TMEM40: variants seen among roughly 807,000 people sequenced by gnomAD.
TMEM40 encodes the protein transmembrane protein 40.
A neutral mutation model predicts 40.8 loss-of-function variants in TMEM40; 34 were observed. The observed-to-expected ratio is 0.83, with a 90% CI of 0.63 to 1.11. TMEM40 has a LOEUF of 1.11. Among genes scored for constraint, TMEM40 ranks in the 50% least tolerant of loss-of-function variants. The pLI, the probability that TMEM40 is intolerant of heterozygous loss-of-function variation, is 0.00. For missense variants in TMEM40, 296 were observed against 280.2 expected (o/e 1.06, Z -0.40); for synonymous variants, 106 against 107.0 (o/e 0.99, Z 0.06).
chr3:12,748,656 T>C lies in TMEM40; in HGVS notation c.210A>G (p.Ser70=). 6.2e-7 allele frequency: 1 copy of C among 1,610,746 alleles called. No homozygotes were observed. The highest frequency in any genetic ancestry group is 1.1e-5 in the South Asian group (1 of 90,926). The change falls in exon 3 of 12, where the codon TCA becomes TCG. Residue 70 remains serine, a splice_region_variant and synonymous_variant. Transcript: ENST00000314124. ...SSSSSSSSSS[S]ESNDEDQQPR... ...CATATATTTAAATCTCTGCTATACC[T>C]GAGGAGGAGGAGGATGAAGAAGATG... is the stretch of plus-strand genomic sequence containing the variant.
rs774911271 is a variant in TMEM40, at chr3:12,743,993, C to T, written c.212-4G>A. ...TGCTGGTCCTCATCATTGCTCTCTG[C>T]GGGTAACAAACACAAGCTGTAGGAG... On this transcript the variant is annotated splice_polypyrimidine_tract_variant and splice_region_variant and intron_variant, in intron 3 of 11. Transcript: ENST00000314124. 6.8e-6 allele frequency: 11 copies of T among 1,609,870 alleles called. No individual in the cohort carries two copies. The highest frequency in any genetic ancestry group is 4.5e-5 in the South Asian group (4 of 89,610).
chr3:12,766,763 G>C (rs779167517), intron 1 of TMEM40, among the ~76,000 whole-genome samples: 8 of 152,172 alleles, frequency 5.3e-5, no homozygotes, highest in Admixed American at 5.2e-4. Flanking sequence ...AGGCATTCTT[G>C]AGGACAGTTC....
upstream of TMEM40, among the ~76,000 whole-genome samples, chr3:12,759,692 A>G (rs1207731032): frequency 6.6e-6 from 1 of 152,146 alleles, no homozygotes; most frequent in Non-Finnish European, 1.5e-5. Context: ...TTGGGCAGGG[A>G]GCAGGAGAGA....
At chr3:12,745,763 A>G (rs1014337479) in intron 3 of TMEM40, among the ~76,000 whole-genome samples, 4 of 152,114 alleles carry the variant, frequency 2.6e-5, no homozygotes, top group South Asian at 2.1e-4. Flanking sequence ...ACAAGTTTTT[A>G]AATAAAAGGT....
intron 1 of TMEM40, among the ~76,000 whole-genome samples, chr3:12,768,168 A>G (rs2061603126): frequency 6.6e-6 from 1 of 152,250 alleles, no homozygotes; most frequent in Middle Eastern, 3.4e-3. Flanking sequence ...ATAGCTCTTA[A>G]GGCGACGCGT....
intron 1 of TMEM40, among the ~76,000 whole-genome samples, chr3:12,768,385 C>G (rs1039230404): frequency 6.6e-6 from 1 of 152,002 alleles, no homozygotes; most frequent in African/African-American, 2.4e-5. Flanking sequence ...TTATGTGGCC[C>G]CACTCACATC....
intron 1 of TMEM40, among the ~76,000 whole-genome samples, chr3:12,756,006 T>G (rs2061524375): frequency 6.6e-6 from 1 of 152,230 alleles, no homozygotes; most frequent in Non-Finnish European, 1.5e-5. Flanking sequence ...GGGACAGACT[T>G]GTCCTTACTC....
In TMEM40 at chr3:12,734,626, C is replaced by CAG. The variant is rs2061324871; in HGVS notation, c.*146_*147dup. The CAG allele has an allele frequency of 4.2e-6, 4 of 944,312 alleles. No homozygotes were observed. Among genetic ancestry groups the CAG allele is most frequent in the Non-Finnish European group, 6.4e-6 (4 of 627,480 alleles). The allele number at this position is 944,312 out of a possible 1,614,324, so 58.5% of individuals were successfully genotyped here. A position where few individuals can be genotyped will look rare whatever the true frequency, so the allele number is the denominator to read the frequency against. On this transcript the variant is annotated 3_prime_UTR_variant, in exon 12 of 12. Transcript: ENST00000314124. ...CCCTGCCCGGGCTGGTGCCAACATTCAGACCACATGGAAGGAAAAGTGTTC... is the reference window on the plus strand; with the variant it reads ...CCCTGCCCGGGCTGGTGCCAACATTCAGAGACCACATGGAAGGAAAAGTGTTC...
chr3:12,738,518 C>T, intron 6 of TMEM40, 35 bp downstream of exon 6: 2 of 1,612,980 alleles, frequency 1.2e-6, no homozygotes, highest in Non-Finnish European at 1.7e-6. Context: ...TCAATACCAG[C>T]ACCAACGACC....
upstream of TMEM40, among the ~76,000 whole-genome samples, chr3:12,760,349 C>A (rs9865686): frequency 0.012 from 1,854 of 152,276 alleles, 45 homozygotes; most frequent in African/African-American, 0.043. Context: ...CAAGCCCCTG[C>A]GAGATCTTCC....
At chr3:12,760,646 A>G (rs2061563286), upstream of TMEM40, among the ~76,000 whole-genome samples, 1 of 151,960 alleles carries the variant, frequency 6.6e-6, no homozygotes, top group East Asian at 1.9e-4. Flanking sequence ...ACTGCTCACC[A>G]TCTGCTGTGC....
At chr3:12,749,652 T>G in intron 2 of TMEM40, 108 bp downstream of exon 2, 1 of 917,906 alleles carries the variant, frequency 1.1e-6, no homozygotes, top group Non-Finnish European at 1.7e-6. Flanking sequence ...AGCTGTGATT[T>G]GAGGCCCTGT....
At chr3:12,735,325 C>A (rs1360821304) in intron 11 of TMEM40, among the ~76,000 whole-genome samples, 1 of 152,228 alleles carries the variant, frequency 6.6e-6, no homozygotes, top group Non-Finnish European at 1.5e-5. Context: ...CTCACTTGAT[C>A]TTCACAACAC....
chr3:12,750,942 T>A (rs531588805), intron 1 of TMEM40, among the ~76,000 whole-genome samples: 2 of 152,256 alleles, frequency 1.3e-5, no homozygotes, highest in African/African-American at 2.4e-5. Flanking sequence ...CATTTGAGAA[T>A]GGTCTAGAGA....
chr3:12,751,468 CG>C (rs1559531268), intron 1 of TMEM40, among the ~76,000 whole-genome samples: 5 of 151,650 alleles, frequency 3.3e-5, no homozygotes, highest in African/African-American at 1.2e-4. Flanking sequence ...TTAGTAGAGA[CG>C]TGGTTTCACC....
intron 1 of TMEM40, among the ~76,000 whole-genome samples, chr3:12,752,895 G>A (rs2061489840): frequency 6.6e-6 from 1 of 152,170 alleles, no homozygotes; most frequent in East Asian, 1.9e-4. Flanking sequence ...GCCCATGCTG[G>A]GAGACTAAAG....
upstream of TMEM40, among the ~76,000 whole-genome samples, chr3:12,759,962 C>G (rs2061557457): frequency 1.0e-5 from 1 of 100,202 alleles, no homozygotes; most frequent in East Asian, 3.0e-4. Context: ...GAGCCCCCAG[C>G]CTTGGAGGGA....
At chr3:12,760,230 A>T (rs1349367104), upstream of TMEM40, among the ~76,000 whole-genome samples, 3 of 151,780 alleles carry the variant, frequency 2.0e-5, no homozygotes, top group African/African-American at 7.3e-5. Context: ...GGCTATTCTC[A>T]TCAGCCAGGC....
chr3:12,748,668 G>A lies in TMEM40; in HGVS notation c.198C>T (p.Ser66=), dbSNP rs749603635. The A allele has an allele frequency of 9.9e-6, 16 of 1,610,792 alleles. No individual in the cohort carries two copies. The highest frequency in any genetic ancestry group is 8.3e-5 in the Admixed American group (5 of 59,976). The change falls in exon 3 of 12, where the codon TCC becomes TCT. Residue 66 remains serine (S), a synonymous_variant. Transcript: ENST00000314124. ...TCTCTGCTATACCTGAGGAGGAGGA[G>A]GATGAAGAAGATGAGGAGGATGAGG... ...SSSSSSSSSS[S]SSSSESNDED... is the part of the protein sequence containing the mutation.
Sources: gnomAD v4.1 joint callset for allele counts (sites outside exome capture counted in the v4.1 genomes callset) on GRCh38, gnomAD v4.1.1 for gene constraint, MANE v1.5 for transcripts, NCBI Gene and HGNC (gene_info 2026-07-23, HGNC 2026-07-21) for gene names.